AKAP7: variants seen among roughly 807,000 people sequenced by gnomAD.
AKAP7 encodes the protein A kinase (PRKA) anchor protein 7.
A neutral mutation model predicts 39.5 loss-of-function variants in AKAP7; 39 were observed. That is an observed-to-expected ratio of 0.99 (90% CI 0.76 to 1.29). The LOEUF (loss-of-function observed/expected upper bound fraction) is 1.29. AKAP7 is among the 50% of genes most tolerant of loss of function. The pLI, the probability that AKAP7 is intolerant of heterozygous loss-of-function variation, is 0.00. For missense variants in AKAP7, 414 were observed against 407.7 expected (o/e 1.02, Z -0.13); for synonymous variants, 140 against 139.1 (o/e 1.01, Z -0.05).
chr6:131,277,137 TC>T (rs1468031070), intron 7 of AKAP7, among the ~76,000 whole-genome samples: 2 of 152,198 alleles, frequency 1.3e-5, no homozygotes, highest in African/African-American at 4.8e-5. Context: ...ATGCCACAAC[TC>T]CTACAGAGAG....
chr6:131,263,952 T>A (rs1813567434), intron 7 of AKAP7, among the ~76,000 whole-genome samples: 1 of 152,226 alleles, frequency 6.6e-6, no homozygotes, highest in Non-Finnish European at 1.5e-5. Flanking sequence ...AACTCAAAAC[T>A]TGGCTATGGG....
chr6:131,247,775 G>A (rs1317047509), intron 7 of AKAP7, among the ~76,000 whole-genome samples: 1 of 152,046 alleles, frequency 6.6e-6, no homozygotes, highest in Non-Finnish European at 1.5e-5. Context: ...ACTAAGGCAT[G>A]TGCCACTATG....
rs371992118 is a variant in AKAP7 at position 131,258,519 on chromosome 6, A to G, written c.851-23011A>G. On this transcript the variant is annotated intron_variant, in intron 7 of 7. Transcript: ENST00000431975. ...GATTTACAACTTGACATGAACAAAC[A>G]GTTCCTACAGCAAACATCTTAGCAA... 1.2e-4 allele frequency among the ~76,000 whole-genome samples: 19 copies of G among 152,340 alleles called. 1 individual carries two copies. The East Asian group carries it at 3.5e-3, about 28-fold the overall frequency.
chr6:131,159,826 C>T (rs1584975165), intron 2 of AKAP7, among the ~76,000 whole-genome samples: 1 of 152,338 alleles, frequency 6.6e-6, no homozygotes, highest in East Asian at 1.9e-4. Context: ...TGTACCCACT[C>T]ATTTATGTTT....
intron 2 of AKAP7, among the ~76,000 whole-genome samples, chr6:131,145,894 TATA>T (rs1235608565): frequency 6.6e-6 from 1 of 152,010 alleles, no homozygotes; most frequent in Non-Finnish European, 1.5e-5. Flanking sequence ...TATCTATTGG[TATA>T]ATAATAATAA....
chr6:131,204,172 C>G (rs1415493060), intron 6 of AKAP7, among the ~76,000 whole-genome samples: 1 of 152,030 alleles, frequency 6.6e-6, no homozygotes, highest in African/African-American at 2.4e-5. Flanking sequence ...GATGTCCTAG[C>G]TGCTGATATT....
At position 131,282,250 on chromosome 6, in the gene AKAP7, T is replaced by C; in HGVS notation, c.*524T>C. The C allele has an allele frequency of 7.4e-7, 1 of 1,355,580 alleles. No individual in the cohort carries two copies. The highest frequency in any genetic ancestry group is 9.4e-7 in the Non-Finnish European group (1 of 1,059,960). The allele number at this position is 1,355,580 out of a possible 1,614,324, so 84.0% of individuals were successfully genotyped here. ...CAGTGTGATCTTTATTTATAGTAAA[T>C]TATGTTTCATGTAAATGATATATTT... On this transcript the variant is annotated 3_prime_UTR_variant, in exon 8 of 8. Coordinates refer to ENST00000431975, the MANE Select transcript of AKAP7 (RefSeq NM_016377.4).
chr6:131,158,670 C>CT (rs893138712), intron 2 of AKAP7, among the ~76,000 whole-genome samples: 4 of 152,016 alleles, frequency 2.6e-5, no homozygotes, highest in African/African-American at 9.7e-5. Context: ...CCATGCCTGT[C>CT]TAATTTTTGT....
upstream of AKAP7, among the ~76,000 whole-genome samples, chr6:131,135,335 C>T (rs1800435151): frequency 6.6e-6 from 1 of 152,226 alleles, no homozygotes; most frequent in Non-Finnish European, 1.5e-5. Flanking sequence ...CCCAGCGTCG[C>T]ATTGCAGAGT....
At chr6:131,250,659 A>G (rs1219575145) in intron 7 of AKAP7, 5 of 1,600,390 alleles carry the variant, frequency 3.1e-6, no homozygotes, top group South Asian at 2.2e-5. Context: ...GTGCTTGACT[A>G]TTTTGTGCGG....
intron 7 of AKAP7, among the ~76,000 whole-genome samples, chr6:131,247,269 G>GTATGTATA (rs1554218537): frequency 3.3e-5 from 3 of 91,920 alleles, no homozygotes; most frequent in Admixed American, 3.0e-4. Context: ...CATTTCATAT[G>GTATGTATA]TATATATATA....
At chr6:131,210,814 C>G (rs888461946) in intron 6 of AKAP7, among the ~76,000 whole-genome samples, 2 of 152,184 alleles carry the variant, frequency 1.3e-5, no homozygotes, top group African/African-American at 4.8e-5. Context: ...TGGCAACAGC[C>G]TCTCCCTAAT....
At chr6:131,164,775 G>T (rs1447661310) in intron 3 of AKAP7, among the ~76,000 whole-genome samples, 3 of 152,154 alleles carry the variant, frequency 2.0e-5, no homozygotes, top group Admixed American at 2.0e-4. Flanking sequence ...CTGAAAAGAT[G>T]CAGGGCCATT....
At chr6:131,256,168 T>A (rs1812829905) in intron 7 of AKAP7, among the ~76,000 whole-genome samples, 2 of 152,222 alleles carry the variant, frequency 1.3e-5, no homozygotes, top group Admixed American at 1.3e-4. Flanking sequence ...AGGTATTGTG[T>A]GTAACCTGAG....
intron 7 of AKAP7, among the ~76,000 whole-genome samples, chr6:131,244,261 T>C (rs1039807409): frequency 2.0e-5 from 3 of 152,166 alleles, no homozygotes; most frequent in Non-Finnish European, 4.4e-5. Flanking sequence ...AGGCCATGAC[T>C]TCAAATGGGG....
intron 3 of AKAP7, chr6:131,164,300 A>C (rs1803263861): frequency 2.2e-6 from 1 of 449,050 alleles, no homozygotes; most frequent in African/African-American, 2.0e-5. Flanking sequence ...TTTTGTATTC[A>C]GACTACTTTC....
chr6:131,264,622 T>G (rs927431186), intron 7 of AKAP7, among the ~76,000 whole-genome samples: 24 of 152,242 alleles, frequency 1.6e-4, no homozygotes, highest in African/African-American at 5.3e-4. Context: ...TCACAGTGTC[T>G]CTTTCATTTA....
In AKAP7 at chr6:131,142,451, G is replaced by T. The variant is rs138140829; in HGVS notation, c.20-2834G>T. ...GTCACTTTGGAGAGCACAAGCCACT[G>T]TAAGCCTTGGGGGCTTCCATGTGAT... On this transcript the variant is annotated intron_variant, in intron 1 of 7. Transcript: ENST00000431975. Among the ~76,000 whole-genome samples the T allele has an allele frequency of 9.7e-3, 1,473 of 152,346 alleles. 9 individuals carry two copies. Among genetic ancestry groups the T allele is most frequent in the Non-Finnish European group, 0.016 (1,066 of 68,032 alleles).
chr6:131,246,094 A>AATATATATATAT (rs57449798), intron 7 of AKAP7, among the ~76,000 whole-genome samples: 1 of 143,942 alleles, frequency 6.9e-6, no homozygotes, highest in African/African-American at 2.5e-5. Flanking sequence ...CAGAAGTCCA[A>AATATATATATAT]ATATATATAT....
Sources: gnomAD v4.1 joint callset for allele counts (sites outside exome capture counted in the v4.1 genomes callset) on GRCh38, gnomAD v4.1.1 for gene constraint, MANE v1.5 for transcripts, NCBI Gene and HGNC (gene_info 2026-07-23, HGNC 2026-07-21) for gene names.